Variants in MRPL22 observed in about 807,000 individuals in gnomAD.
MRPL22 encodes mitochondrial ribosomal protein L22, also known as large ribosomal subunit protein uL22m.
In MRPL22, 27 loss-of-function variants were observed where a neutral mutation model predicts 32.4. The ratio of observed to expected loss-of-function variants is 0.83; its 90% CI spans 0.61 to 1.15. The LOEUF (loss-of-function observed/expected upper bound fraction) is 1.15, where lower values mean the gene tolerates loss of function less well. MRPL22 is among the 50% of genes most tolerant of loss of function. MRPL22 has a pLI of 0.00. For missense variants in MRPL22, 239 were observed against 260.2 expected (o/e 0.92, Z 0.56); for synonymous variants, 86 against 87.3 (o/e 0.99, Z 0.08).
intron 6 of MRPL22, among the ~76,000 whole-genome samples, chr5:154,965,561 A>C (rs541573459): frequency 4.7e-4 from 71 of 151,678 alleles, no homozygotes; most frequent in African/African-American, 1.6e-3. Context: ...AGTAGCTAGG[A>C]TTACAGGTGC....
chr5:154,954,848 G>A (rs1290956596), intron 3 of MRPL22, among the ~76,000 whole-genome samples: 1 of 152,126 alleles, frequency 6.6e-6, no homozygotes, highest in Non-Finnish European at 1.5e-5. Context: ...CTGGAGTGCA[G>A]TGGCGCAATC....
chr5:154,957,184 A>G lies in MRPL22; in HGVS notation c.311A>G (p.Asp104Gly), dbSNP rs1164439283. 3 of 1,613,680 alleles carry G rather than the reference A, an allele frequency of 1.9e-6. No homozygotes were observed. Among genetic ancestry groups the G allele is most frequent in the African/African-American group, 1.3e-5 (1 of 74,922 alleles). Reference sequence around the variant, plus strand: ...GCTTTGGCTCAGTTGGAATTCAATGACAAAAAAGGGGCCAAAATAATTAAA... The same window carrying G: ...GCTTTGGCTCAGTTGGAATTCAATGGCAAAAAAGGGGCCAAAATAATTAAA... ...DQALAQLEFNDKKGAKIIKEV... is the reference protein window; with the variant it reads ...DQALAQLEFNGKKGAKIIKEV... Residue 104 changes from aspartate (D) to glycine (G), a missense_variant, in exon 5 of 7, where the codon GAC becomes GGC. Transcript: ENST00000523037.
At chr5:154,946,460 G>A (rs1210319952) in intron 2 of MRPL22, among the ~76,000 whole-genome samples, 3 of 152,068 alleles carry the variant, frequency 2.0e-5, no homozygotes, top group Non-Finnish European at 4.4e-5. Flanking sequence ...TTATTTGGGG[G>A]CTGGGGACAG....
intron 2 of MRPL22, among the ~76,000 whole-genome samples, chr5:154,950,241 C>CA (rs1024887897): frequency 1.6e-4 from 24 of 152,100 alleles, no homozygotes; most frequent in African/African-American, 5.8e-4. Context: ...GGAAACTGCC[C>CA]AGCGATCTAA....
intron 6 of MRPL22, among the ~76,000 whole-genome samples, chr5:154,962,809 T>C (rs1764721869): frequency 6.6e-6 from 1 of 152,208 alleles, no homozygotes; most frequent in African/African-American, 2.4e-5. Context: ...TCAACTGACC[T>C]TGTACATCAA....
chr5:154,952,465 T>C (rs757330126), intron 3 of MRPL22, among the ~76,000 whole-genome samples: 3 of 152,228 alleles, frequency 2.0e-5, no homozygotes, highest in Non-Finnish European at 2.9e-5. Context: ...CTTATACAAG[T>C]GCCTGTGGGA....
In MRPL22 at chr5:154,959,439, G is replaced by C. The variant is rs2113543539; in HGVS notation, c.340-541G>C. 2.6e-5 allele frequency among the ~76,000 whole-genome samples: 4 copies of C among 151,510 alleles called. No homozygotes were observed. In the Middle Eastern group the frequency reaches 0.01, roughly 389 times the overall value. On this transcript the variant is annotated intron_variant, in intron 5 of 6. Coordinates refer to ENST00000523037, the MANE Select transcript of MRPL22 (RefSeq NM_014180.4). ...GCTCACTGCAGCCTCCACCTCCTGG[G>C]TTCAAGTGATCCTCCAGCCTCAGCC...
At chr5:154,941,523 A>G (rs1202834279) in intron 2 of MRPL22, among the ~76,000 whole-genome samples, 1 of 152,230 alleles carries the variant, frequency 6.6e-6, no homozygotes, top group Non-Finnish European at 1.5e-5. Flanking sequence ...CTTTCTGGAC[A>G]AGGTTAGACT....
At chr5:154,953,991 C>CT (rs1163927758) in intron 3 of MRPL22, among the ~76,000 whole-genome samples, 16,493 of 123,256 alleles carry the variant, frequency 0.13, 1,221 homozygotes, top group African/African-American at 0.23. Flanking sequence ...TGGCCTAAAA[C>CT]TTTTTTTTTT....
Position 154,966,802 on chromosome 5 carries a change from C to T in MRPL22, c.526C>T (p.Pro176Ser). 6.2e-7 allele frequency: 1 copy of T among 1,613,984 alleles called. No homozygotes were observed. Among genetic ancestry groups the T allele is most frequent in the Non-Finnish European group, 8.5e-7 (1 of 1,179,866 alleles). Residue 176 changes from proline (P) to serine (S), a missense_variant, in exon 7 of 7, where the codon CCC (proline) becomes TCC (serine). Transcript: ENST00000523037. The part of the protein sequence containing the change: ...CHYFVKLVEG[P>S]PPPPEPPKTA... Reference sequence around the variant, plus strand: ...TTATTTTGTGAAGTTGGTGGAAGGGCCCCCACCTCCACCTGAGCCACCAAA... The same window carrying T: ...TTATTTTGTGAAGTTGGTGGAAGGGTCCCCACCTCCACCTGAGCCACCAAA...
chr5:154,968,054 A>T lies in MRPL22; in HGVS notation c.*1157A>T, dbSNP rs1250128074. 6.6e-6 allele frequency: 1 copy of T among 152,238 alleles called. No individual in the cohort carries two copies. Among genetic ancestry groups the T allele is most frequent in the African/African-American group, 2.4e-5 (1 of 41,464 alleles). The allele number at this position is 152,238 out of a possible 1,614,324, so 9.4% of individuals were successfully genotyped here. A position where few individuals can be genotyped will look rare whatever the true frequency, so the allele number is the denominator to read the frequency against. ...AAGCTCTGTGCTAGTATTTTACATAATTCTTCACAACATCCTGAAAATGTA... is the reference window on the plus strand; with the variant it reads ...AAGCTCTGTGCTAGTATTTTACATATTTCTTCACAACATCCTGAAAATGTA... On this transcript the variant is annotated 3_prime_UTR_variant, in exon 7 of 7. Coordinates refer to ENST00000523037, the MANE Select transcript of MRPL22 (RefSeq NM_014180.4).
chr5:154,966,749 T>A lies in MRPL22; in HGVS notation c.473T>A (p.Phe158Tyr), dbSNP rs751857889. 1.2e-6 allele frequency: 2 copies of A among 1,614,166 alleles called. No individual in the cohort carries two copies. The highest frequency in any genetic ancestry group is 2.2e-5 in the South Asian group (2 of 91,082). Residue 158 changes from phenylalanine to tyrosine, a missense_variant, in exon 7 of 7, where the codon TTT becomes TAT. Transcript: ENST00000523037. ...ATCCGCTACCATGGCAGAGGTCGCT[T>A]TGGGATCATGGAGAAGGTTTATTGC... ...KRIRYHGRGR[F>Y]GIMEKVYCHY...
chr5:154,942,860 G>C (rs1764438542), intron 2 of MRPL22, among the ~76,000 whole-genome samples: 1 of 152,156 alleles, frequency 6.6e-6, no homozygotes, highest in Admixed American at 6.5e-5. Context: ...GATTTGAATT[G>C]TCTTGCACCA....
chr5:154,952,680 A>G (rs1764579368), intron 3 of MRPL22, among the ~76,000 whole-genome samples: 1 of 152,200 alleles, frequency 6.6e-6, no homozygotes, highest in Admixed American at 6.5e-5. Flanking sequence ...ACCCTTCATA[A>G]ATACCTAACT....
At chr5:154,957,273 A>T (rs1370312851) in intron 5 of MRPL22, 61 bp downstream of exon 5, 1 of 1,351,382 alleles carries the variant, frequency 7.4e-7, no homozygotes, top group East Asian at 2.3e-5. Context: ...GCTGTCTTGC[A>T]ATTATTAGTA....
At chr5:154,951,879 C>T (rs1054984160) in intron 3 of MRPL22, among the ~76,000 whole-genome samples, 7 of 149,484 alleles carry the variant, frequency 4.7e-5, no homozygotes, top group Admixed American at 2.7e-4. Context: ...TTTGAAATCA[C>T]GTATTTTTTT....
At chr5:154,957,934 T>G (rs1283836327) in intron 5 of MRPL22, among the ~76,000 whole-genome samples, 1 of 148,872 alleles carries the variant, frequency 6.7e-6, no homozygotes, top group Non-Finnish European at 1.5e-5. Flanking sequence ...TTTTTTTTTT[T>G]GAGACGGAGT....
intron 3 of MRPL22, among the ~76,000 whole-genome samples, chr5:154,954,484 A>C (rs1764606828): frequency 6.6e-6 from 1 of 152,212 alleles, no homozygotes; most frequent in South Asian, 2.1e-4. Flanking sequence ...TGGCAGAGAT[A>C]TATAACTAGG....
rs1440892780 is a variant in MRPL22 at position 154,968,470 on chromosome 5, A to G, written c.*1573A>G. 1 of 152,238 alleles carries G rather than the reference A, an allele frequency of 6.6e-6. No individual in the cohort carries two copies. The highest frequency in any genetic ancestry group is 1.5e-5 in the Non-Finnish European group (1 of 68,040). The allele number at this position is 152,238 out of a possible 1,614,324, so 9.4% of individuals were successfully genotyped here. On this transcript the variant is annotated 3_prime_UTR_variant, in exon 7 of 7. Transcript: ENST00000523037. ...CCTCCATTTCATTCATTTATGAAAC[A>G]AGAGACTCAATGTTCTCTGTAGAAA... is the stretch of plus-strand genomic sequence containing the variant.
Sources: allele counts gnomAD v4.1 joint callset (sites outside exome capture counted in the v4.1 genomes callset), GRCh38; gene constraint gnomAD v4.1.1; transcripts MANE v1.5; gene names NCBI Gene and HGNC (gene_info 2026-07-23, HGNC 2026-07-21).